The following RER1 variants were observed in gnomAD, a reference collection of about 807,000 sequenced individuals.
RER1 encodes the protein retention in endoplasmic reticulum sorting receptor 1.
A neutral mutation model predicts 28.3 loss-of-function variants in RER1; 6 were observed. That is an observed-to-expected ratio of 0.21 (90% CI 0.12 to 0.42). RER1 has a LOEUF of 0.42. Ranked by LOEUF, RER1 falls within the 10% of genes least tolerant of loss-of-function variation. The probability of loss-of-function intolerance (pLI) is 1.00; values close to 1 mark genes in which losing one functional copy is unlikely to be tolerated. For synonymous variants in RER1, 110 were observed against 95.9 expected (o/e 1.15, Z -0.86); for missense variants, 159 against 252.9 (o/e 0.63, Z 2.52).
In RER1 at chr1:2,405,432, G is replaced by A; in HGVS notation, c.*2308G>A. The A allele has an allele frequency of 2.1e-6, 1 of 465,832 alleles. No individual in the cohort carries two copies. The highest frequency in any genetic ancestry group is 2.0e-5 in the South Asian group (1 of 48,910). The allele number at this position is 465,832 out of a possible 1,614,324, so 28.9% of individuals were successfully genotyped here. A position where few individuals can be genotyped will look rare whatever the true frequency, so the allele number is the denominator to read the frequency against. On this transcript the variant is annotated 3_prime_UTR_variant, in exon 7 of 7. Transcript: ENST00000605895. ...ATATAAACGAATAAAGTGTCTTCTG[G>A]CCTACTTCTGAATTACTTCTCAACT...
Position 2,397,172 on chromosome 1 carries a change from G to A in RER1, c.138G>A (p.Val46=). The change falls in exon 3 of 7, where the codon GTG becomes GTA. Residue 46 remains valine (V), a synonymous_variant. Coordinates refer to ENST00000605895, the MANE Select transcript of RER1 (RefSeq NM_007033.5). ...CCTACACGGCTGTGCGATGGGTCGT[G>A]ACACTGGGCCTGAGCTTTGTCTACA... ...STPYTAVRWV[V]TLGLSFVYMI... The A allele has an allele frequency of 6.2e-7, 1 of 1,614,136 alleles. No individual in the cohort carries two copies. The highest frequency in any genetic ancestry group is 1.1e-5 in the South Asian group (1 of 91,072).
At position 2,402,163 on chromosome 1, in the gene RER1, T is replaced by G. The variant is rs781638323; in HGVS notation, c.366-44T>G. The G allele has an allele frequency of 4.3e-6, 7 of 1,613,854 alleles. No individual in the cohort carries two copies. The South Asian group carries it at 6.6e-5, about 15-fold the overall frequency. On this transcript the variant is annotated intron_variant, in intron 5 of 6. Transcript: ENST00000605895. ...CTGGAGGCGGCCGGCAGGTGCCCGG[T>G]GCTGGCTGCAGATGCGGCGCTAACC...
At chr1:2,397,356 T>A (rs1174830875) in intron 3 of RER1, 136 bp downstream of exon 3, 1 of 666,592 alleles carries the variant, frequency 1.5e-6, no homozygotes, top group Non-Finnish European at 2.8e-6. Context: ...ACGCCAAATG[T>A]CAGAAAGATC....
chr1:2,396,106 T>G, intron 2 of RER1: 1 of 523,302 alleles, frequency 1.9e-6, no homozygotes, highest in Non-Finnish European at 3.4e-6. Context: ...TGTTTTCCTT[T>G]TACCAAGCTT....
chr1:2,400,215 G>A (rs759248535), intron 4 of RER1, among the ~76,000 whole-genome samples: 9 of 152,240 alleles, frequency 5.9e-5, no homozygotes, highest in Admixed American at 1.3e-4. Flanking sequence ...TCGTTCTGGG[G>A]GAACCTGCTG....
rs1423506048 is a variant in RER1 at position 2,404,495 on chromosome 1, G to T, written c.*1371G>T. On this transcript the variant is annotated 3_prime_UTR_variant, in exon 7 of 7. Coordinates refer to ENST00000605895, the MANE Select transcript of RER1 (RefSeq NM_007033.5). ...GTGAAGCAAAGGACTGGGTGCTGAT[G>T]GATGGAGCCACGGCGGCATCTGCCC... The T allele has an allele frequency of 6.6e-6, 1 of 152,280 alleles. No homozygotes were observed. 9.4% of individuals were successfully genotyped at this position (152,280 alleles called of 1,614,324 possible).
chr1:2,403,191 T>C lies in RER1; in HGVS notation c.*67T>C, dbSNP rs752151435. ...TGAGCCATTGTTAACAATGCCTTTT[T>C]TCTTCACATAAAGTAGTTGATTACG... On this transcript the variant is annotated 3_prime_UTR_variant, in exon 7 of 7. Transcript: ENST00000605895. 6 of 1,236,172 alleles carry C rather than the reference T, an allele frequency of 4.9e-6. No homozygotes were observed. The highest frequency in any genetic ancestry group is 1.5e-5 in the African/African-American group (1 of 67,396). The allele number at this position is 1,236,172 out of a possible 1,614,324, so 76.6% of individuals were successfully genotyped here. A position where few individuals can be genotyped will look rare whatever the true frequency, so the allele number is the denominator to read the frequency against.
At chr1:2,396,704 G>A (rs1348629520) in intron 2 of RER1, among the ~76,000 whole-genome samples, 1 of 152,238 alleles carries the variant, frequency 6.6e-6, no homozygotes, top group Non-Finnish European at 1.5e-5. Flanking sequence ...TGGGAGCGGG[G>A]CAAGGCTGGC....
At chr1:2,393,549 G>A (rs1355193026) in intron 1 of RER1, among the ~76,000 whole-genome samples, 6 of 152,112 alleles carry the variant, frequency 3.9e-5, no homozygotes, top group African/African-American at 7.2e-5. Context: ...TGCCTTGCCC[G>A]GCTCCAAGGG....
intron 1 of RER1, among the ~76,000 whole-genome samples, chr1:2,392,902 G>C (rs957410133): frequency 2.0e-5 from 3 of 152,198 alleles, no homozygotes; most frequent in Non-Finnish European, 4.4e-5. Context: ...GGGTCTGGGA[G>C]GGCATTTCAG....
chr1:2,395,600 C>A, intron 1 of RER1, 184 bp from the exon 2 acceptor site: 1 of 588,538 alleles, frequency 1.7e-6, no homozygotes, highest in Non-Finnish European at 3.0e-6. Context: ...GCTGCCCTTC[C>A]TCTCCAGGGA....
At chr1:2,401,017 T>G (rs1001425317) in intron 5 of RER1, 82 bp downstream of exon 5, 13 of 1,239,324 alleles carry the variant, frequency 1.0e-5, no homozygotes, top group Non-Finnish European at 1.4e-5. Flanking sequence ...TTTGTTCAAG[T>G]CACCTGAAAG....
intron 3 of RER1, among the ~76,000 whole-genome samples, chr1:2,398,597 C>A (rs1180211450): frequency 6.6e-6 from 1 of 152,210 alleles, no homozygotes; most frequent in African/African-American, 2.4e-5. Context: ...CCATGTTGGC[C>A]AGGCTGGTCT....
At chr1:2,401,896 C>T in intron 5 of RER1, 2 of 826,450 alleles carry the variant, frequency 2.4e-6, no homozygotes, top group South Asian at 3.7e-5. Context: ...GGTTTCTCTC[C>T]AGATCGCAGG....
At chr1:2,400,323 C>T (rs1557903135) in intron 4 of RER1, among the ~76,000 whole-genome samples, 1 of 152,256 alleles carries the variant, frequency 6.6e-6, no homozygotes, top group Non-Finnish European at 1.5e-5. Flanking sequence ...CAGCCCCTCT[C>T]TGTTGTTGCT....
intron 4 of RER1, among the ~76,000 whole-genome samples, chr1:2,399,792 T>G (rs1642818577): frequency 6.6e-6 from 1 of 152,170 alleles, no homozygotes; most frequent in African/African-American, 2.4e-5. Flanking sequence ...CCACAGACAG[T>G]AGGGGTCTGA....
At chr1:2,392,933 G>T (rs1308008939) in intron 1 of RER1, among the ~76,000 whole-genome samples, 2 of 66,046 alleles carry the variant, frequency 3.0e-5, no homozygotes, top group Non-Finnish European at 6.3e-5. Context: ...AACACCAGAG[G>T]CGTGAAGCTT....
chr1:2,398,214 C>T (rs941938694), intron 3 of RER1, among the ~76,000 whole-genome samples: 2 of 151,406 alleles, frequency 1.3e-5, no homozygotes, highest in Admixed American at 6.6e-5. Context: ...CCCTCACATC[C>T]GGCGTTCAGC....
In RER1 at chr1:2,403,025, C is replaced by T. The variant is rs1232489299; in HGVS notation, c.502-10C>T. 18 of 1,609,976 alleles carry T rather than the reference C, an allele frequency of 1.1e-5. No individual in the cohort carries two copies. Among genetic ancestry groups the T allele is most frequent in the Non-Finnish European group, 1.4e-5 (17 of 1,177,278 alleles). ...TTGTGCAGTAACTGAGTCTGTGTTT[C>T]TCTCCCCAGCACATGATTAAGTACC... On this transcript the variant is annotated splice_polypyrimidine_tract_variant and intron_variant, in intron 6 of 6. Transcript: ENST00000605895.
Sources: allele counts gnomAD v4.1 joint callset (sites outside exome capture counted in the v4.1 genomes callset), GRCh38; gene constraint gnomAD v4.1.1; transcripts MANE v1.5; gene names NCBI Gene and HGNC (gene_info 2026-07-23, HGNC 2026-07-21).